ITGA7: variants seen among roughly 807,000 people sequenced by gnomAD.
The protein encoded by ITGA7 is integrin subunit alpha 7.
Under a neutral mutation model 131.6 loss-of-function variants are expected in ITGA7, and 84 were observed. The ratio of observed to expected loss-of-function variants is 0.64; its 90% CI spans 0.54 to 0.77. The LOEUF (loss-of-function observed/expected upper bound fraction) is 0.77, where lower values mean the gene tolerates loss of function less well. Among genes scored for constraint, ITGA7 ranks in the 30% least tolerant of loss-of-function variants. The probability of loss-of-function intolerance (pLI) is 0.00; values close to 1 mark genes in which losing one functional copy is unlikely to be tolerated. For synonymous variants in ITGA7, 548 were observed against 600.7 expected, an observed-to-expected ratio of 0.91 and a Z score of 1.28; for missense variants, 1,399 against 1,482.9, an observed-to-expected ratio of 0.94 and a Z score of 0.93.
rs1875437535 is a variant in ITGA7 at position 55,707,424 on chromosome 12, G to A, written c.206+53C>T. ...ATGAGGAGGCCCACAGAGTGGGGAG[G>A]GGGACGATCTGTGGCTCGGGCATGG... On this transcript the variant is annotated intron_variant, in intron 1 of 24. Coordinates refer to ENST00000257879, the MANE Select transcript of ITGA7 (RefSeq NM_002206.3). The A allele has an allele frequency of 8.4e-6, 12 of 1,430,302 alleles. No homozygotes were observed. In the East Asian group the frequency reaches 1.4e-4, roughly 16 times the overall value. The allele number at this position is 1,430,302 out of a possible 1,614,324, so 88.6% of individuals were successfully genotyped here.
upstream of ITGA7, chr12:55,707,932 C>G: frequency 7.3e-7 from 1 of 1,376,364 alleles, no homozygotes; most frequent in Non-Finnish European, 9.4e-7. Context: ...CTCCCGGGGA[C>G]GCCACTCAGG....
At chr12:55,697,422 G>T (rs1364867355) in intron 10 of ITGA7, 29 bp downstream of exon 10, 2 of 1,605,208 alleles carry the variant, frequency 1.2e-6, no homozygotes, top group Non-Finnish European at 1.7e-6. Context: ...AAGCTGCCAG[G>T]GTCCAGGTGC....
chr12:55,710,009 G>A (rs1014707248), upstream of ITGA7, among the ~76,000 whole-genome samples: 1 of 152,232 alleles, frequency 6.6e-6, no homozygotes, highest in Non-Finnish European at 1.5e-5. Flanking sequence ...CTCTCAAGGA[G>A]AAATGAGACC....
At chr12:55,705,630 C>T (rs147744362) in intron 1 of ITGA7, among the ~76,000 whole-genome samples, 1 of 152,244 alleles carries the variant, frequency 6.6e-6, no homozygotes. Context: ...CTCTGTAAGG[C>T]GCTCTGTGAA....
intron 22 of ITGA7, 130 bp from the exon 23 acceptor site, chr12:55,688,430 T>C: frequency 1.3e-6 from 1 of 796,938 alleles, no homozygotes; most frequent in Admixed American, 2.0e-5. Flanking sequence ...GGGTTAAGAG[T>C]ATGCTGCGTT....
At chr12:55,692,792 G>A in intron 21 of ITGA7, 52 bp downstream of exon 21, 1 of 1,559,208 alleles carries the variant, frequency 6.4e-7, no homozygotes, top group Non-Finnish European at 8.7e-7. Context: ...TACCCTTCCT[G>A]GACACGCAGC....
In ITGA7 at chr12:55,706,189, G is replaced by A. The variant is rs375943128; in HGVS notation, c.206+1288C>T. 1.8e-4 allele frequency among the ~76,000 whole-genome samples: 27 copies of A among 152,288 alleles called. No homozygotes were observed. The South Asian group carries it at 3.7e-3, about 21-fold the overall frequency. On this transcript the variant is annotated intron_variant, in intron 1 of 24. Coordinates refer to ENST00000257879, the MANE Select transcript of ITGA7 (RefSeq NM_002206.3). ...TGTCCTAAAAAGGCCTCCAGTCCTC[G>A]AACTCTGACAGATGGAGAAGGAGGG...
upstream of ITGA7, chr12:55,716,363 C>A: frequency 6.9e-7 from 1 of 1,447,314 alleles, no homozygotes; most frequent in East Asian, 2.6e-5. Context: ...ACTCCTTTCC[C>A]TTGCCAACTG....
intron 3 of ITGA7, chr12:55,701,534 C>T: frequency 1.1e-6 from 1 of 931,216 alleles, no homozygotes; most frequent in Non-Finnish European, 1.7e-6. Flanking sequence ...GTAAGTGTCA[C>T]CATCTCATCT....
upstream of ITGA7, chr12:55,712,198 G>A (rs189339094): frequency 1.7e-4 from 259 of 1,551,440 alleles, 1 homozygote; most frequent in African/African-American, 2.4e-3. Flanking sequence ...TGACCGCTCC[G>A]GTCTTTGACG....
At chr12:55,700,619 G>A (rs1182231155) in intron 4 of ITGA7, 9 of 636,672 alleles carry the variant, frequency 1.4e-5, no homozygotes, top group Non-Finnish European at 2.2e-5. Flanking sequence ...GCAGTGATGA[G>A]GTGTGGGCTA....
At chr12:55,704,242 T>G (rs1874706668) in intron 1 of ITGA7, among the ~76,000 whole-genome samples, 1 of 152,208 alleles carries the variant, frequency 6.6e-6, no homozygotes, top group Admixed American at 6.5e-5. Context: ...AAAACCATGT[T>G]AGGCAGTATT....
At position 55,699,915 on chromosome 12, in the gene ITGA7, G is replaced by A. The variant is rs779668899; in HGVS notation, c.745C>T (p.Arg249Trp). Residue 249 changes from arginine to tryptophan, a missense_variant, in exon 5 of 25, where the codon CGG becomes TGG. By Grantham distance (101) the Arg-to-Trp change is moderately radical (BLOSUM62 -3). Coordinates refer to ENST00000257879, the MANE Select transcript of ITGA7 (RefSeq NM_002206.3). ...AAGTCTCCGGCTGGTCCTGGGAGCC[G>A]GTCAGCAGGGTCCAAAGTTTTATAC... ...LVYKTLDPAD[R>W]LPGPAGDLAL... is the part of the protein sequence containing the mutation. 8 of 1,613,568 alleles carry A rather than the reference G, an allele frequency of 5.0e-6. No individual in the cohort carries two copies. The highest frequency in any genetic ancestry group is 2.2e-5 in the South Asian group (2 of 90,858).
Position 55,707,782 on chromosome 12 carries a change from T to C in ITGA7, c.-100A>G, listed in dbSNP as rs1294003228. ...CGCGTCTCTGGTCTCCAAAGTCTCG[T>C]TGGTCTTTCAGACGTCTCCCAGACG... On this transcript the variant is annotated 5_prime_UTR_variant, in exon 1 of 25. Transcript: ENST00000257879. The C allele has an allele frequency of 5.2e-6, 8 of 1,532,536 alleles. No homozygotes were observed. The Admixed American group carries it at 1.0e-4, about 19-fold the overall frequency. The allele number at this position is 1,532,536 out of a possible 1,614,324, so 94.9% of individuals were successfully genotyped here.
upstream of ITGA7, chr12:55,715,825 G>C (rs1876470869): frequency 1.9e-6 from 1 of 523,812 alleles, no homozygotes; most frequent in Admixed American, 3.9e-5. Context: ...TAGACGGCCT[G>C]ACACCACCAG....
upstream of ITGA7, chr12:55,716,378 C>G (rs1876527266): frequency 1.4e-6 from 2 of 1,429,888 alleles, no homozygotes; most frequent in African/African-American, 1.5e-5. Context: ...CAACTGGCTC[C>G]GGTCCCTTGG....
Position 55,698,924 on chromosome 12 carries a change from GA to G in ITGA7, c.791-8del. 1 of 1,603,618 alleles carries G rather than the reference GA, an allele frequency of 6.2e-7. No individual in the cohort carries two copies. ...CCCGAGTCAATAGAGAAGCCTGGGG[GA>G]AGGGTGACTTACCCCTAAGTCTTCA... On this transcript the variant is annotated splice_region_variant and splice_polypyrimidine_tract_variant and intron_variant, in intron 5 of 24. Coordinates refer to ENST00000257879, the MANE Select transcript of ITGA7 (RefSeq NM_002206.3).
At chr12:55,712,363 C>A, upstream of ITGA7, 1 of 842,606 alleles carries the variant, frequency 1.2e-6, no homozygotes, top group Admixed American at 2.0e-5. Flanking sequence ...TCTCTTGAAG[C>A]CCAGCCAGAT....
At chr12:55,709,028 G>C (rs1875774525), upstream of ITGA7, among the ~76,000 whole-genome samples, 1 of 152,186 alleles carries the variant, frequency 6.6e-6, no homozygotes, top group African/African-American at 2.4e-5. Flanking sequence ...AACCTCGAAT[G>C]CTCCCACTTC....
Sources: allele counts gnomAD v4.1 joint callset (sites outside exome capture counted in the v4.1 genomes callset), GRCh38; gene constraint gnomAD v4.1.1; transcripts MANE v1.5; gene names NCBI Gene and HGNC (gene_info 2026-07-23, HGNC 2026-07-21).